The following CNTNAP2 variants were observed in gnomAD, a reference collection of about 807,000 sequenced individuals.
CNTNAP2 encodes contactin associated protein 2.
Under a neutral mutation model 155.2 loss-of-function variants are expected in CNTNAP2, and 98 were observed. That is an observed-to-expected ratio of 0.63 (90% CI 0.54 to 0.75). CNTNAP2 has a LOEUF of 0.75. CNTNAP2 is among the 30% of genes least tolerant of loss of function. The probability of loss-of-function intolerance (pLI) is 0.00; values close to 1 mark genes in which losing one functional copy is unlikely to be tolerated. For synonymous variants in CNTNAP2, 651 were observed against 631.2 expected (o/e 1.03, Z -0.47); for missense variants, 1,727 against 1,688.1 (o/e 1.02, Z -0.40).
chr7:146,720,133 T>C (rs1801259781), intron 1 of CNTNAP2, among the ~76,000 whole-genome samples: 1 of 152,176 alleles, frequency 6.6e-6, no homozygotes, highest in African/African-American at 2.4e-5. Context: ...TACAAAACTT[T>C]TTTTTTTCCA....
At chr7:148,397,675 C>T (rs569242543) in intron 22 of CNTNAP2, among the ~76,000 whole-genome samples, 1 of 152,324 alleles carries the variant, frequency 6.6e-6, no homozygotes, top group East Asian at 1.9e-4. Flanking sequence ...TTTCACACTC[C>T]GTTGACATGA....
At chr7:146,264,313 G>A (rs1287620735) in intron 1 of CNTNAP2, among the ~76,000 whole-genome samples, 3 of 151,968 alleles carry the variant, frequency 2.0e-5, no homozygotes, top group East Asian at 1.9e-4. Context: ...TTAGCTGGGC[G>A]TGGTGGCGGG....
At chr7:146,478,305 T>A (rs764623482) in intron 1 of CNTNAP2, among the ~76,000 whole-genome samples, 1 of 151,722 alleles carries the variant, frequency 6.6e-6, no homozygotes, top group African/African-American at 2.4e-5. Flanking sequence ...ATAGTGAGAA[T>A]AAAGAAAACG....
In CNTNAP2 at chr7:147,273,185, C is replaced by T. The variant is rs113017588; in HGVS notation, c.1349-26956C>T. Reference sequence around the variant, plus strand: ...TCTAAACGGGCGGGATTGAATTCACCTTATCACCACTTCGCGCCGAAATTT... The same window carrying T: ...TCTAAACGGGCGGGATTGAATTCACTTTATCACCACTTCGCGCCGAAATTT... On this transcript the variant is annotated intron_variant, in intron 8 of 23. Transcript: ENST00000361727. Among the ~76,000 whole-genome samples, 465 of 152,216 alleles carry T rather than the reference C, an allele frequency of 3.1e-3. 7 individuals carry two copies. The highest frequency in any genetic ancestry group is 0.01 in the African/African-American group (433 of 41,530).
At chr7:147,648,073 C>T (rs1795396438) in intron 13 of CNTNAP2, among the ~76,000 whole-genome samples, 1 of 152,000 alleles carries the variant, frequency 6.6e-6, no homozygotes, top group African/African-American at 2.4e-5. Context: ...ACGAGGATGG[C>T]TACATGTAGA....
chr7:146,295,888 C>CAAAGA (rs540902430), intron 1 of CNTNAP2, among the ~76,000 whole-genome samples: 33 of 145,250 alleles, frequency 2.3e-4, no homozygotes, highest in African/African-American at 8.3e-4. Flanking sequence ...AAAAAAAAAA[C>CAAAGA]AAAGAAAAGA....
intron 8 of CNTNAP2, among the ~76,000 whole-genome samples, chr7:147,247,139 A>G (rs971087857): frequency 6.6e-6 from 1 of 152,208 alleles, no homozygotes; most frequent in Non-Finnish European, 1.5e-5. Flanking sequence ...CAGCTAGGAC[A>G]TATTTTCTAG....
At chr7:147,216,049 G>A (rs1383164554) in intron 8 of CNTNAP2, among the ~76,000 whole-genome samples, 3 of 151,558 alleles carry the variant, frequency 2.0e-5, no homozygotes, top group African/African-American at 7.3e-5. Flanking sequence ...TCTTATTGAT[G>A]AGTGTTAAAA....
chr7:147,406,125 G>C (rs6464797), intron 10 of CNTNAP2, among the ~76,000 whole-genome samples: 71,551 of 151,948 alleles, frequency 0.47, 19,635 homozygotes, highest in African/African-American at 0.77. Flanking sequence ...TGAATAAAAG[G>C]AGAGTTCATT....
chr7:147,465,298 T>C (rs771561169), intron 10 of CNTNAP2, among the ~76,000 whole-genome samples: 4 of 152,016 alleles, frequency 2.6e-5, no homozygotes, highest in Non-Finnish European at 5.9e-5. Context: ...CATGCATAAC[T>C]TGAATCTAAA....
intron 10 of CNTNAP2, among the ~76,000 whole-genome samples, chr7:147,467,784 C>G (rs971491120): frequency 3.3e-5 from 5 of 152,168 alleles, no homozygotes; most frequent in African/African-American, 9.7e-5. Flanking sequence ...TTACCCAATA[C>G]TCTGGGAGGC....
chr7:146,678,278 G>C (rs937971606), intron 1 of CNTNAP2, among the ~76,000 whole-genome samples: 1 of 151,596 alleles, frequency 6.6e-6, no homozygotes, highest in Non-Finnish European at 1.5e-5. Flanking sequence ...CACGTTGGCC[G>C]GGCTGGTTTA....
intron 1 of CNTNAP2, among the ~76,000 whole-genome samples, chr7:146,468,352 G>C (rs1297995258): frequency 6.6e-6 from 1 of 151,674 alleles, no homozygotes. Flanking sequence ...TGGGTGACTG[G>C]ATAATTCATA....
At chr7:147,223,387 C>A (rs1803449708) in intron 8 of CNTNAP2, among the ~76,000 whole-genome samples, 1 of 152,158 alleles carries the variant, frequency 6.6e-6, no homozygotes, top group Non-Finnish European at 1.5e-5. Context: ...GCCTAGGACT[C>A]ATGACAAAGC....
intron 13 of CNTNAP2, among the ~76,000 whole-genome samples, chr7:147,762,746 A>C: frequency 2.0e-5 from 3 of 146,702 alleles, no homozygotes; most frequent in Admixed American, 6.8e-5. Context: ...GGAGGGAGGA[A>C]GGAAGGAGGA....
intron 12 of CNTNAP2, chr7:147,638,851 T>C (rs1172827891): frequency 2.8e-5 from 17 of 609,162 alleles, no homozygotes; most frequent in Non-Finnish European, 4.8e-5. Context: ...CTTTTTTTTT[T>C]TTTCTTTTTT....
chr7:148,196,021 A>T (rs1232497136), intron 18 of CNTNAP2, among the ~76,000 whole-genome samples: 1 of 152,246 alleles, frequency 6.6e-6, no homozygotes, highest in Admixed American at 6.5e-5. Flanking sequence ...TGACCTGTCA[A>T]ATCTAATCAG....
chr7:148,180,718 A>G (rs1408618110), intron 18 of CNTNAP2, among the ~76,000 whole-genome samples: 1 of 152,198 alleles, frequency 6.6e-6, no homozygotes, highest in Non-Finnish European at 1.5e-5. Flanking sequence ...TTTGCAGTAA[A>G]CAGTAGATAA....
intron 13 of CNTNAP2, among the ~76,000 whole-genome samples, chr7:147,728,675 A>C (rs2116461809): frequency 6.6e-6 from 1 of 152,166 alleles, no homozygotes; most frequent in South Asian, 2.1e-4. Context: ...CGATAATAAT[A>C]TCTAATCAAT....
Sources: allele counts gnomAD v4.1 joint callset (sites outside exome capture counted in the v4.1 genomes callset), GRCh38; gene constraint gnomAD v4.1.1; transcripts MANE v1.5; gene names NCBI Gene and HGNC (gene_info 2026-07-23, HGNC 2026-07-21).